The following NPAS2 variants were observed in gnomAD, a reference collection of about 807,000 sequenced individuals.
NPAS2 encodes the protein neuronal PAS domain protein 2.
NPAS2 carries 23 observed loss-of-function variants against 107.5 expected under a neutral mutation model. The observed-to-expected ratio is 0.21, with a 90% CI of 0.15 to 0.30. NPAS2 has a LOEUF of 0.30. Ranked by LOEUF, NPAS2 falls within the 10% of genes least tolerant of loss-of-function variation. The pLI, the probability that NPAS2 is intolerant of heterozygous loss-of-function variation, is 1.00. For synonymous variants in NPAS2, 403 were observed against 417.5 expected (o/e 0.97, Z 0.42); for missense variants, 756 against 1,043.3 (o/e 0.72, Z 3.79).
chr2:100,853,317 C>G (rs184928684), intron 1 of NPAS2, among the ~76,000 whole-genome samples: 1 of 152,200 alleles, frequency 6.6e-6, no homozygotes, highest in African/African-American at 2.4e-5. Context: ...ATGTAAATTT[C>G]AATTTACATT....
chr2:100,976,284 C>T lies in NPAS2; in HGVS notation c.1392+717C>T, dbSNP rs2105239293. Among the ~76,000 whole-genome samples, 1 of 152,150 alleles carries T rather than the reference C, an allele frequency of 6.6e-6. No homozygotes were observed. The highest frequency in any genetic ancestry group is 2.4e-5 in the African/African-American group (1 of 41,500). On this transcript the variant is annotated intron_variant, in intron 14 of 20. Coordinates refer to ENST00000335681, the MANE Select transcript of NPAS2 (RefSeq NM_002518.4). This position sits in a 1 kb window ranked among gnomAD's most constrained non-coding sequence, Gnocchi z 4.1. Reference sequence around the variant, plus strand: ...GGGCTGGGTGGCTGAGGGCTGGGCTCAGCTGAGGCCATCCGTCATTGACTT... The same window carrying T: ...GGGCTGGGTGGCTGAGGGCTGGGCTTAGCTGAGGCCATCCGTCATTGACTT...
chr2:100,890,178 T>C (rs1573554134), intron 1 of NPAS2, among the ~76,000 whole-genome samples: 1 of 152,152 alleles, frequency 6.6e-6, no homozygotes, highest in East Asian at 1.9e-4. Context: ...TCTCTGAGGG[T>C]TGTTAGGCCC....
intron 1 of NPAS2, among the ~76,000 whole-genome samples, chr2:100,841,768 A>G (rs1677416852): frequency 6.6e-6 from 1 of 152,230 alleles, no homozygotes; most frequent in Non-Finnish European, 1.5e-5. Flanking sequence ...GTGTATATAC[A>G]TGCACACATA....
rs373003881 is a variant in NPAS2, at chr2:100,971,098, A to G, written c.1140+24A>G. ...AGGTACGCCCATCCCTGCCAGATGG[A>G]TACGGCAAAGGTTGGCTAGGAAGAA... On this transcript the variant is annotated intron_variant, in intron 12 of 20. Coordinates refer to ENST00000335681, the MANE Select transcript of NPAS2 (RefSeq NM_002518.4). 1.5e-5 allele frequency: 24 copies of G among 1,607,822 alleles called. No individual in the cohort carries two copies. The East Asian group carries it at 4.0e-4, about 27-fold the overall frequency.
At chr2:100,891,860 A>T (rs1352119037) in intron 1 of NPAS2, among the ~76,000 whole-genome samples, 1 of 152,194 alleles carries the variant, frequency 6.6e-6, no homozygotes, top group Non-Finnish European at 1.5e-5. Context: ...CTGAAGGAGC[A>T]TTTGGGGAAC....
chr2:100,938,417 G>A (rs1402408337), intron 5 of NPAS2, among the ~76,000 whole-genome samples: 6 of 152,028 alleles, frequency 3.9e-5, no homozygotes, highest in East Asian at 1.9e-4. Context: ...GGAGAGGGTC[G>A]GCTTTGCATT....
intron 1 of NPAS2, among the ~76,000 whole-genome samples, chr2:100,854,567 C>A (rs1678436698): frequency 6.6e-6 from 1 of 152,150 alleles, no homozygotes. Flanking sequence ...ATACATCAGT[C>A]CTAGGGAAAG....
chr2:100,988,715 TG>T, intron 17 of NPAS2: 1 of 325,944 alleles, frequency 3.1e-6, no homozygotes, highest in Non-Finnish European at 5.8e-6. Context: ...TTGCCCCAGG[TG>T]CCCCCTGCTC....
chr2:100,941,668 C>T (rs1558894025), intron 5 of NPAS2, among the ~76,000 whole-genome samples: 1 of 152,152 alleles, frequency 6.6e-6, no homozygotes, highest in Non-Finnish European at 1.5e-5. Context: ...GACAGACGTG[C>T]ATACAATGGA....
intron 6 of NPAS2, 40 bp from the exon 7 acceptor site, chr2:100,949,327 C>A: frequency 1.7e-6 from 2 of 1,178,204 alleles, no homozygotes; most frequent in Non-Finnish European, 2.6e-6. Flanking sequence ...GTGCAATGCT[C>A]ACGACCCCTT....
chr2:100,973,622 A>G (rs1342447809), intron 12 of NPAS2, among the ~76,000 whole-genome samples: 2 of 152,114 alleles, frequency 1.3e-5, no homozygotes, highest in Admixed American at 1.3e-4. Context: ...GGTGTACAAT[A>G]TCCACCCCCA....
At chr2:100,904,919 G>A (rs960785430) in intron 2 of NPAS2, 133 bp downstream of exon 2, 4 of 685,540 alleles carry the variant, frequency 5.8e-6, no homozygotes, top group Non-Finnish European at 1.0e-5. Flanking sequence ...CACACTCTCT[G>A]TGACATATTG....
intron 3 of NPAS2, among the ~76,000 whole-genome samples, chr2:100,928,328 TAGC>T (rs1323273613): frequency 6.6e-6 from 1 of 151,882 alleles, no homozygotes; most frequent in Non-Finnish European, 1.5e-5. Context: ...CCAAGTGAAA[TAGC>T]AGGTTGGTTT....
intron 1 of NPAS2, among the ~76,000 whole-genome samples, chr2:100,896,622 T>C (rs183505209): frequency 9.8e-5 from 15 of 152,340 alleles, no homozygotes; most frequent in South Asian, 2.1e-4. Flanking sequence ...ATTTTCCCTC[T>C]AGTCAGTAGC....
At chr2:100,942,153 A>G (rs897337640) in intron 5 of NPAS2, among the ~76,000 whole-genome samples, 6 of 152,206 alleles carry the variant, frequency 3.9e-5, no homozygotes, top group Non-Finnish European at 8.8e-5. Flanking sequence ...CAGGCCAGAA[A>G]ATACTTCTGT....
At chr2:100,831,641 C>T (rs959881294) in intron 1 of NPAS2, among the ~76,000 whole-genome samples, 3 of 152,156 alleles carry the variant, frequency 2.0e-5, no homozygotes, top group African/African-American at 7.2e-5. Flanking sequence ...CTTTTATGGC[C>T]TCCCCCCTTT....
intron 3 of NPAS2, among the ~76,000 whole-genome samples, chr2:100,930,895 C>A (rs1419021678): frequency 6.6e-6 from 1 of 152,134 alleles, no homozygotes; most frequent in Admixed American, 6.5e-5. Flanking sequence ...TAGTTTGATC[C>A]TAGTGGTCAA....
intron 1 of NPAS2, among the ~76,000 whole-genome samples, chr2:100,867,904 CT>C (rs1285526510): frequency 4.6e-5 from 7 of 151,944 alleles, no homozygotes; most frequent in African/African-American, 1.2e-4. Context: ...TTTTTTCTGC[CT>C]TTTTTTCCCC....
chr2:100,832,560 T>G (rs1289386471), intron 1 of NPAS2, among the ~76,000 whole-genome samples: 1 of 152,162 alleles, frequency 6.6e-6, no homozygotes, highest in Non-Finnish European at 1.5e-5. Flanking sequence ...ATATACACAG[T>G]CCCTCGGTGG....
Sources: gnomAD v4.1 joint callset for allele counts (sites outside exome capture counted in the v4.1 genomes callset) on GRCh38, gnomAD v4.1.1 for gene constraint, Gnocchi (gnomAD v3.1) non-coding constraint, MANE v1.5 for transcripts, NCBI Gene and HGNC (gene_info 2026-07-23, HGNC 2026-07-21) for gene names.